The following MOB1B variants were observed in gnomAD, a reference collection of about 807,000 sequenced individuals.
MOB1B encodes the protein MOB kinase activator 1B.
In MOB1B, 19 loss-of-function variants were observed where a neutral mutation model predicts 24.4. That is an observed-to-expected ratio of 0.78 (90% CI 0.54 to 1.14). The LOEUF is 1.14. Among genes scored for constraint, MOB1B ranks in the 50% most tolerant of loss-of-function variants. MOB1B has a pLI of 0.00. For synonymous variants in MOB1B, 76 were observed against 82.1 expected (o/e 0.93, Z 0.40); for missense variants, 243 against 259.6 (o/e 0.94, Z 0.44).
intron 2 of MOB1B, among the ~76,000 whole-genome samples, chr4:70,966,577 T>A (rs1025847647): frequency 4.0e-5 from 6 of 151,716 alleles, no homozygotes; most frequent in Non-Finnish European, 8.8e-5. Flanking sequence ...TTTCTCCATG[T>A]TGGTCAGGCT....
intron 4 of MOB1B, among the ~76,000 whole-genome samples, chr4:70,977,405 T>G (rs1235241415): frequency 6.6e-6 from 1 of 152,210 alleles, no homozygotes; most frequent in East Asian, 1.9e-4. Context: ...GATGGCAATA[T>G]GATGACATTG....
At chr4:70,959,588 A>G (rs543422571) in intron 2 of MOB1B, among the ~76,000 whole-genome samples, 81 of 152,306 alleles carry the variant, frequency 5.3e-4, no homozygotes, top group African/African-American at 1.8e-3. Flanking sequence ...TAGATTTACT[A>G]TCTTCATTAT....
intron 1 of MOB1B, among the ~76,000 whole-genome samples, chr4:70,931,890 TGGCTAA>T (rs1023942005): frequency 2.6e-5 from 4 of 151,854 alleles, no homozygotes; most frequent in African/African-American, 9.7e-5. Context: ...GCACCATGCC[TGGCTAA>T]GTTTTGTTGT....
intron 1 of MOB1B, among the ~76,000 whole-genome samples, chr4:70,955,592 T>A (rs1031303751): frequency 6.8e-6 from 1 of 147,668 alleles, no homozygotes; most frequent in African/African-American, 2.5e-5. Context: ...TGCCTCAGCC[T>A]CCAGAGTAGC....
intron 1 of MOB1B, among the ~76,000 whole-genome samples, chr4:70,946,275 A>G (rs967837723): frequency 6.6e-6 from 1 of 152,026 alleles, no homozygotes; most frequent in African/African-American, 2.4e-5. Flanking sequence ...CTTTTCTTTA[A>G]TATTGGTAAC....
At position 70,983,403 on chromosome 4, in the gene MOB1B, C is replaced by T. The variant is rs938944320; in HGVS notation, c.*1346C>T. ...TAGTTATTAACTTCTAAATTTTATT[C>T]GCCATGACTTTCTAGTGAATTATTA... On this transcript the variant is annotated 3_prime_UTR_variant, in exon 6 of 6. Coordinates refer to ENST00000309395, the MANE Select transcript of MOB1B (RefSeq NM_173468.4). 1 of 152,382 alleles carries T rather than the reference C, an allele frequency of 6.6e-6. No individual in the cohort carries two copies. Among genetic ancestry groups the T allele is most frequent in the African/African-American group, 2.4e-5 (1 of 41,412 alleles). The allele number at this position is 152,382 out of a possible 1,614,324, so 9.4% of individuals were successfully genotyped here. A position where few individuals can be genotyped will look rare whatever the true frequency, so the allele number is the denominator to read the frequency against.
chr4:70,951,390 A>G lies in MOB1B; in HGVS notation c.15-7484A>G, dbSNP rs541205642. ...AAAAGATAAATCAAATTGGAAGACT[A>G]AGAGATATGTATTCAGAGCTATCTC... is the stretch of plus-strand genomic sequence containing the variant. On this transcript the variant is annotated intron_variant, in intron 1 of 5. Transcript: ENST00000309395. Among the ~76,000 whole-genome samples the G allele has an allele frequency of 5.1e-4, 78 of 152,360 alleles. 1 individual carries two copies. Among genetic ancestry groups the G allele is most frequent in the African/African-American group, 1.8e-3 (74 of 41,580 alleles).
intron 1 of MOB1B, among the ~76,000 whole-genome samples, chr4:70,952,974 G>A (rs1009723321): frequency 1.7e-5 from 2 of 119,030 alleles, no homozygotes; most frequent in Non-Finnish European, 3.3e-5. Context: ...TTGGAGTCTC[G>A]CCCTGTCGCC....
At chr4:70,913,259 G>GGTAT (rs58774039) in intron 1 of MOB1B, among the ~76,000 whole-genome samples, 3,999 of 150,000 alleles carry the variant, frequency 0.027, 57 homozygotes, top group South Asian at 0.039. Flanking sequence ...CGTTTGTATG[G>GGTAT]GTATGTATGT....
chr4:70,945,234 G>C (rs1737529377), intron 1 of MOB1B, among the ~76,000 whole-genome samples: 1 of 152,186 alleles, frequency 6.6e-6, no homozygotes, highest in South Asian at 2.1e-4. Context: ...TCAGTGCCCA[G>C]AATATCAGAT....
chr4:70,918,641 G>A (rs1390685987), intron 1 of MOB1B, among the ~76,000 whole-genome samples: 1 of 151,872 alleles, frequency 6.6e-6, no homozygotes, highest in Non-Finnish European at 1.5e-5. Flanking sequence ...TTTGTAGGTT[G>A]CCTGTTCACT....
intron 1 of MOB1B, among the ~76,000 whole-genome samples, chr4:70,939,997 G>C (rs1389311647): frequency 6.6e-6 from 1 of 152,236 alleles, no homozygotes; most frequent in Non-Finnish European, 1.5e-5. Flanking sequence ...GCCCGTCTCT[G>C]CATCTTTCCG....
intron 1 of MOB1B, among the ~76,000 whole-genome samples, chr4:70,924,755 C>T (rs28665464): frequency 0.02 from 3,095 of 152,216 alleles, 93 homozygotes; most frequent in African/African-American, 0.069. Flanking sequence ...GTTTTCTGTC[C>T]TTGTGATAGT....
chr4:70,950,297 G>A (rs761259893), intron 1 of MOB1B, among the ~76,000 whole-genome samples: 19 of 151,788 alleles, frequency 1.3e-4, no homozygotes, highest in Non-Finnish European at 7.4e-5. Context: ...TTAGCTGGGC[G>A]TGGTGGTGGG....
At chr4:70,975,724 C>CTGAA (rs1441861637) in intron 4 of MOB1B, 3 of 978,628 alleles carry the variant, frequency 3.1e-6, no homozygotes, top group South Asian at 4.7e-5. Flanking sequence ...TTAAGAAGCC[C>CTGAA]TTTCAGTAGA....
Position 70,926,263 on chromosome 4 carries a change from C to CT in MOB1B, c.14+23713_14+23714insT, listed in dbSNP as rs1388931609. Among the ~76,000 whole-genome samples the CT allele has an allele frequency of 7.1e-3, 1,060 of 149,198 alleles. 17 individuals carry two copies. The highest frequency in any genetic ancestry group is 0.023 in the African/African-American group (928 of 39,804). On this transcript the variant is annotated intron_variant, in intron 1 of 5. Transcript: ENST00000309395. ...GCCTCCCAAGTGCTGGGATTACAGC[C>CT]ATTTTTTTTTTTTTTTTAATTAACT...
intron 3 of MOB1B, among the ~76,000 whole-genome samples, chr4:70,972,374 C>T (rs1043213778): frequency 5.9e-5 from 9 of 151,912 alleles, no homozygotes; most frequent in African/African-American, 1.9e-4. Flanking sequence ...GCCACCATAC[C>T]CGGCTATTTT....
At position 70,902,436 on chromosome 4, in the gene MOB1B, C is replaced by A; in HGVS notation, c.-101C>A. On this transcript the variant is annotated 5_prime_UTR_variant, in exon 1 of 6. Coordinates refer to ENST00000309395, the MANE Select transcript of MOB1B (RefSeq NM_173468.4). ...CCGGCTCTCGGCACCTCCTCCTCCG[C>A]CTCCCTGTCTCCTGTTCCATTCGCC... 1 of 1,317,490 alleles carries A rather than the reference C, an allele frequency of 7.6e-7. No homozygotes were observed. The highest frequency in any genetic ancestry group is 1.1e-6 in the Non-Finnish European group (1 of 935,018). The allele number at this position is 1,317,490 out of a possible 1,614,324, so 81.6% of individuals were successfully genotyped here. A position where few individuals can be genotyped will look rare whatever the true frequency, so the allele number is the denominator to read the frequency against.
At chr4:70,932,160 T>C (rs887525573) in intron 1 of MOB1B, among the ~76,000 whole-genome samples, 8 of 152,248 alleles carry the variant, frequency 5.3e-5, no homozygotes, top group African/African-American at 1.9e-4. Context: ...ATTTAGCTGG[T>C]ATTAATTATT....
Sources: gnomAD v4.1 joint callset for allele counts (sites outside exome capture counted in the v4.1 genomes callset) on GRCh38, gnomAD v4.1.1 for gene constraint, MANE v1.5 for transcripts, NCBI Gene and HGNC (gene_info 2026-07-23, HGNC 2026-07-21) for gene names.